TMEM74: variants seen among roughly 807,000 people sequenced by gnomAD.
TMEM74 encodes the protein transmembrane protein 74.
In TMEM74, 13 loss-of-function variants were observed where a neutral mutation model predicts 18.1. The observed-to-expected ratio is 0.72, with a 90% CI of 0.47 to 1.14. The LOEUF is 1.14. Ranked by LOEUF, TMEM74 falls within the 50% of genes most tolerant of loss-of-function variation. TMEM74 has a pLI of 0.00. For synonymous variants in TMEM74, 159 were observed against 146.6 expected, an observed-to-expected ratio of 1.08 and a Z score of -0.61; for missense variants, 372 against 375.9, an observed-to-expected ratio of 0.99 and a Z score of 0.09.
At chr8:108,741,064 A>AT (rs1012790075) in intron 1 of TMEM74, among the ~76,000 whole-genome samples, 2 of 152,142 alleles carry the variant, frequency 1.3e-5, no homozygotes, top group South Asian at 2.1e-4. Context: ...ATAAAATTGA[A>AT]TTTTTTTTAA....
chr8:108,668,914 C>T (rs892440855), intron 1 of TMEM74, among the ~76,000 whole-genome samples: 9 of 151,970 alleles, frequency 5.9e-5, no homozygotes, highest in East Asian at 1.9e-4. Flanking sequence ...TTCAGATAAT[C>T]GGTCAGTAGT....
chr8:108,756,703 G>GACA (rs1813976104), intron 1 of TMEM74, among the ~76,000 whole-genome samples: 1 of 69,090 alleles, frequency 1.4e-5, no homozygotes, highest in Admixed American at 1.7e-4. Context: ...AAAGAAGGAA[G>GACA]GAAAGAAAGA....
At chr8:108,749,068 A>G (rs1813879688) in intron 1 of TMEM74, among the ~76,000 whole-genome samples, 5 of 152,132 alleles carry the variant, frequency 3.3e-5, no homozygotes, top group Non-Finnish European at 7.3e-5. Context: ...ACTTGAAGTC[A>G]GGTAGTGTGA....
At chr8:108,622,708 A>G (rs765512750) in intron 2 of TMEM74, among the ~76,000 whole-genome samples, 1 of 152,106 alleles carries the variant, frequency 6.6e-6, no homozygotes, top group Non-Finnish European at 1.5e-5. Context: ...TGTAAATTTG[A>G]TTATCTTAAA....
chr8:108,696,003 A>G (rs943243572), intron 1 of TMEM74, among the ~76,000 whole-genome samples: 3 of 152,164 alleles, frequency 2.0e-5, no homozygotes, highest in Non-Finnish European at 2.9e-5. Context: ...CCCTGAAGCT[A>G]TGGACAAGTC....
chr8:108,721,565 C>T (rs1232350770), intron 1 of TMEM74, among the ~76,000 whole-genome samples: 1 of 152,202 alleles, frequency 6.6e-6, no homozygotes, highest in East Asian at 1.9e-4. Context: ...TCTATTTTCT[C>T]CTCCCCAGTC....
chr8:108,777,559 A>G (rs1360412229), downstream of TMEM74, among the ~76,000 whole-genome samples: 3 of 152,214 alleles, frequency 2.0e-5, no homozygotes, highest in African/African-American at 7.2e-5. Flanking sequence ...CTTATTTCTC[A>G]GATCACAAGC....
intron 1 of TMEM74, among the ~76,000 whole-genome samples, chr8:108,660,622 T>C (rs1190598364): frequency 1.3e-5 from 2 of 152,200 alleles, no homozygotes; most frequent in Non-Finnish European, 2.9e-5. Context: ...CCTAACGTGA[T>C]ACTGTTTAAA....
At chr8:108,740,296 A>T (rs1813787518) in intron 1 of TMEM74, among the ~76,000 whole-genome samples, 1 of 152,144 alleles carries the variant, frequency 6.6e-6, no homozygotes, top group South Asian at 2.1e-4. Flanking sequence ...ATAATCGTTG[A>T]CCCACATATA....
chr8:108,653,468 CT>C (rs1176476352), intron 2 of TMEM74, among the ~76,000 whole-genome samples: 1 of 152,050 alleles, frequency 6.6e-6, no homozygotes, highest in African/African-American at 2.4e-5. Context: ...ATTTTGTACT[CT>C]TTTTTATCTC....
At chr8:108,703,270 T>G (rs1036890948) in intron 1 of TMEM74, among the ~76,000 whole-genome samples, 17 of 152,172 alleles carry the variant, frequency 1.1e-4, no homozygotes, top group African/African-American at 3.6e-4. Context: ...ATGTGCCCAG[T>G]ATTAGAGATT....
intron 2 of TMEM74, among the ~76,000 whole-genome samples, chr8:108,614,855 AC>A (rs1299839474): frequency 1.6e-4 from 24 of 150,310 alleles, no homozygotes; most frequent in African/African-American, 4.0e-4. Context: ...GAACAAAAAA[AC>A]AAACAAAATA....
chr8:108,665,014 CT>C (rs11419686), intron 1 of TMEM74, among the ~76,000 whole-genome samples: 17 of 148,862 alleles, frequency 1.1e-4, no homozygotes, highest in African/African-American at 2.2e-4. Context: ...CAACTTAAAG[CT>C]TTTTTTTTTG....
chr8:108,716,334 A>G (rs1164461728), intron 1 of TMEM74, among the ~76,000 whole-genome samples: 1 of 152,120 alleles, frequency 6.6e-6, no homozygotes, highest in East Asian at 1.9e-4. Flanking sequence ...AAATTTCAGT[A>G]CATTAAAACT....
At chr8:108,641,650 G>T (rs780573385) in intron 2 of TMEM74, among the ~76,000 whole-genome samples, 5 of 152,096 alleles carry the variant, frequency 3.3e-5, no homozygotes, top group Admixed American at 1.3e-4. Flanking sequence ...AAGACCTTTG[G>T]ACTACAGTGA....
intron 1 of TMEM74, among the ~76,000 whole-genome samples, chr8:108,659,080 A>G (rs1382242299): frequency 6.6e-6 from 1 of 152,178 alleles, no homozygotes; most frequent in Non-Finnish European, 1.5e-5. Flanking sequence ...GAAGAAAAAT[A>G]TATAAAGAAA....
At chr8:108,614,443 T>A (rs2130536550) in intron 2 of TMEM74, among the ~76,000 whole-genome samples, 1 of 152,188 alleles carries the variant, frequency 6.6e-6, no homozygotes, top group African/African-American at 2.4e-5. Flanking sequence ...TAAAAGGGAA[T>A]AGAAACAAGA....
chr8:108,680,073 G>A (rs1392471020), intron 1 of TMEM74, among the ~76,000 whole-genome samples: 1 of 151,562 alleles, frequency 6.6e-6, no homozygotes, highest in Non-Finnish European at 1.5e-5. Flanking sequence ...AAAAGTCCAG[G>A]ATCTACCAGA....
At chr8:108,617,423 C>T (rs1190826227) in intron 2 of TMEM74, among the ~76,000 whole-genome samples, 1 of 152,106 alleles carries the variant, frequency 6.6e-6, no homozygotes, top group East Asian at 1.9e-4. Flanking sequence ...ACAGAAGCAG[C>T]TGCTATTGCA....
Sources: allele counts gnomAD v4.1 joint callset (sites outside exome capture counted in the v4.1 genomes callset), GRCh38; gene constraint gnomAD v4.1.1; transcripts MANE v1.5; gene names NCBI Gene and HGNC (gene_info 2026-07-23, HGNC 2026-07-21).